The following CCDC18 variants were observed in gnomAD, a reference collection of about 807,000 sequenced individuals.
CCDC18 encodes the protein coiled-coil domain containing 18.
In CCDC18, 157 loss-of-function variants were observed where a neutral mutation model predicts 196.0. The observed-to-expected ratio is 0.80, with a 90% confidence interval of 0.70 to 0.91. CCDC18 has a LOEUF of 0.91. Ranked by LOEUF, CCDC18 falls within the 40% of genes least tolerant of loss-of-function variation. The pLI is 0.00. For missense variants in CCDC18, 1,465 were observed against 1,611.6 expected, an observed-to-expected ratio of 0.91 and a Z score of 1.56; for synonymous variants, 482 against 529.2, an observed-to-expected ratio of 0.91 and a Z score of 1.22.
At chr1:93,180,084 G>A (rs184590502), upstream of CCDC18, 4 of 1,613,502 alleles carry the variant, frequency 2.5e-6, no homozygotes, top group Admixed American at 6.7e-5. Context: ...AGGCCTTCAG[G>A]GGCATGGGCT....
chr1:93,257,500 A>G (rs1403367275), intron 25 of CCDC18, among the ~76,000 whole-genome samples: 2 of 144,742 alleles, frequency 1.4e-5, no homozygotes, highest in African/African-American at 5.0e-5. Context: ...TTGATGTTGC[A>G]AAAAAAAAAA....
At chr1:93,250,378 CAAA>C (rs71094242) in intron 23 of CCDC18, among the ~76,000 whole-genome samples, 4 of 89,424 alleles carry the variant, frequency 4.5e-5, no homozygotes, top group African/African-American at 7.5e-5. Context: ...GAGACCCTGT[CAAA>C]AAAAAAAAAA....
chr1:93,250,668 T>C (rs139931491), intron 23 of CCDC18, among the ~76,000 whole-genome samples: 230 of 152,344 alleles, frequency 1.5e-3, no homozygotes, highest in African/African-American at 5.4e-3. Flanking sequence ...TAGATATTTA[T>C]AATTTTTATA....
In CCDC18 at chr1:93,192,106, G is replaced by C; in HGVS notation, c.569G>C (p.Arg190Thr). Residue 190 changes from arginine to threonine, a missense_variant and splice_region_variant, in exon 5 of 29, where the codon AGA becomes ACA. By Grantham distance (71) the Arg-to-Thr change is moderately conservative. Transcript: ENST00000690025. ...AEVSAQDKVL[R>T]EAENKLEQSQ... Reference sequence around the variant, plus strand: ...GTTTCAGCTCAAGATAAAGTTTTGAGGTAAATATACTTTTTATAGCTCTCA... The same window carrying C: ...GTTTCAGCTCAAGATAAAGTTTTGACGTAAATATACTTTTTATAGCTCTCA... The C allele has an allele frequency of 2.5e-6, 4 of 1,580,834 alleles. No homozygotes were observed. Among genetic ancestry groups the C allele is most frequent in the Non-Finnish European group, 3.5e-6 (4 of 1,150,952 alleles).
intron 25 of CCDC18, among the ~76,000 whole-genome samples, chr1:93,257,243 A>AC (rs1663105130): frequency 6.9e-6 from 1 of 144,422 alleles, no homozygotes; most frequent in East Asian, 1.9e-4. Flanking sequence ...AAAAAAAAAA[A>AC]AAAAAAAAAA....
intron 1 of CCDC18, among the ~76,000 whole-genome samples, chr1:93,181,692 T>G (rs1472246288): frequency 6.6e-6 from 1 of 152,086 alleles, no homozygotes; most frequent in African/African-American, 2.4e-5. Flanking sequence ...CTCGGCTCAC[T>G]GCAACCTCCG....
rs145323333 is a variant in CCDC18, at chr1:93,211,800, T to C, written c.1335-301T>C. Among the ~76,000 whole-genome samples, 69 of 152,322 alleles carry C rather than the reference T, an allele frequency of 4.5e-4. No individual in the cohort carries two copies. In the East Asian group the frequency reaches 0.011, roughly 25 times the overall value. ...CAAACAGTGCTGCAAAGGACATCCT[T>C]GTACATGTTTTCTTATACATATATA... On this transcript the variant is annotated intron_variant, in intron 10 of 28. Transcript: ENST00000690025.
At position 93,246,556 on chromosome 1, in the gene CCDC18, C is replaced by T. The variant is rs553238875; in HGVS notation, c.3082-282C>T. On this transcript the variant is annotated intron_variant, in intron 22 of 28. Coordinates refer to ENST00000690025, the MANE Select transcript of CCDC18 (RefSeq NM_001378204.1). ...AATTATTTGTCATTTATGAACACAA[C>T]TATATTTTATTGTTTCTATAATGTA... 5.3e-5 allele frequency among the ~76,000 whole-genome samples: 8 copies of T among 152,104 alleles called. No homozygotes were observed. The East Asian group carries it at 1.5e-3, about 29-fold the overall frequency.
intron 23 of CCDC18, 92 bp from the exon 24 acceptor site, chr1:93,254,379 G>A: frequency 3.2e-6 from 3 of 926,674 alleles, no homozygotes; most frequent in Non-Finnish European, 3.2e-6. Flanking sequence ...TTTTAGATAT[G>A]AGTGTTTAAA....
intron 16 of CCDC18, among the ~76,000 whole-genome samples, chr1:93,222,930 C>A (rs575352491): frequency 6.6e-6 from 1 of 152,156 alleles, no homozygotes; most frequent in African/African-American, 2.4e-5. Flanking sequence ...TTTCCCTATT[C>A]TGTTTTTAAT....
intron 12 of CCDC18, among the ~76,000 whole-genome samples, chr1:93,216,298 A>G (rs1656463630): frequency 6.6e-6 from 1 of 152,250 alleles, no homozygotes; most frequent in African/African-American, 2.4e-5. Flanking sequence ...TACTTATTTC[A>G]GTCTTTAACA....
upstream of CCDC18, chr1:93,180,584 C>G: frequency 7.2e-7 from 1 of 1,393,628 alleles, no homozygotes; most frequent in Non-Finnish European, 9.5e-7. Context: ...AATGTAGTCC[C>G]GGGCGGGCTC....
At chr1:93,204,526 A>G (rs1404855079) in intron 7 of CCDC18, among the ~76,000 whole-genome samples, 2 of 152,164 alleles carry the variant, frequency 1.3e-5, no homozygotes, top group East Asian at 1.9e-4. Flanking sequence ...ATGAGTTAAT[A>G]AAAGGAAGCA....
At chr1:93,256,880 A>C (rs1237869940) in intron 25 of CCDC18, among the ~76,000 whole-genome samples, 2 of 152,178 alleles carry the variant, frequency 1.3e-5, no homozygotes, top group Admixed American at 6.5e-5. Flanking sequence ...TGAAGAAAAA[A>C]TAAAGCTAAT....
At chr1:93,196,196 G>A (rs1384415859) in intron 6 of CCDC18, among the ~76,000 whole-genome samples, 3 of 152,048 alleles carry the variant, frequency 2.0e-5, no homozygotes, top group African/African-American at 4.8e-5. Flanking sequence ...GGTGGCACAC[G>A]CCTGGAGTCC....
At chr1:93,222,033 G>C in intron 16 of CCDC18, 97 bp downstream of exon 16, 3 of 765,252 alleles carry the variant, frequency 3.9e-6, no homozygotes, top group Non-Finnish European at 4.1e-6. Context: ...GCAGTGGCAT[G>C]ATGATAACTC....
intron 22 of CCDC18, among the ~76,000 whole-genome samples, chr1:93,246,450 A>G (rs1377494903): frequency 6.6e-6 from 1 of 152,192 alleles, no homozygotes; most frequent in East Asian, 1.9e-4. Context: ...ACCCCGTATC[A>G]GAAGAAGCTA....
intron 26 of CCDC18, among the ~76,000 whole-genome samples, chr1:93,259,528 C>T (rs892147430): frequency 4.6e-5 from 7 of 152,068 alleles, no homozygotes; most frequent in South Asian, 2.1e-4. Flanking sequence ...TTTTCTAATA[C>T]GGCAAGGGTT....
upstream of CCDC18, chr1:93,180,428 C>G (rs572774377): frequency 1.1e-4 from 141 of 1,277,854 alleles, no homozygotes; most frequent in Middle Eastern, 2.5e-4. Flanking sequence ...GGTAGGGACT[C>G]TGGGCGGGGC....
Sources: allele counts gnomAD v4.1 joint callset (sites outside exome capture counted in the v4.1 genomes callset), GRCh38; gene constraint gnomAD v4.1.1; transcripts MANE v1.5; gene names NCBI Gene and HGNC (gene_info 2026-07-23, HGNC 2026-07-21).